Variants in SCYL3 observed in about 807,000 individuals in gnomAD.
SCYL3 encodes SCY1 like pseudokinase 3, also known as protein-associating with the carboxyl-terminal domain of ezrin.
SCYL3 carries 35 observed loss-of-function variants against 73.8 expected under a neutral mutation model. The ratio of observed to expected loss-of-function variants is 0.47; its 90% CI spans 0.36 to 0.63. SCYL3 has a LOEUF of 0.63. SCYL3 is among the 20% of genes least tolerant of loss of function. The pLI is 0.00. For synonymous variants in SCYL3, 277 were observed against 295.2 expected, an observed-to-expected ratio of 0.94 and a Z score of 0.63; for missense variants, 712 against 798.9, an observed-to-expected ratio of 0.89 and a Z score of 1.31.
chr1:169,861,675 A>T (rs1659661523), intron 10 of SCYL3, among the ~76,000 whole-genome samples: 1 of 152,248 alleles, frequency 6.6e-6, no homozygotes, highest in Non-Finnish European at 1.5e-5. Context: ...CCCACTTATG[A>T]GCTCCTTGAA....
intron 2 of SCYL3, among the ~76,000 whole-genome samples, chr1:169,880,989 T>C (rs1487422961): frequency 2.6e-5 from 4 of 152,218 alleles, no homozygotes; most frequent in African/African-American, 7.2e-5. Context: ...CTCGAATTCC[T>C]GACCTCGGGC....
intron 5 of SCYL3, 31 bp downstream of exon 5, chr1:169,873,665 C>A: frequency 6.7e-7 from 1 of 1,486,486 alleles, no homozygotes; most frequent in Non-Finnish European, 9.3e-7. Flanking sequence ...CACAAAGGCA[C>A]CTTCATTATA....
In SCYL3 at chr1:169,850,463, C is replaced by T. The variant is rs556117982; in HGVS notation, c.*3250G>A. 84 of 693,578 alleles carry T rather than the reference C, an allele frequency of 1.2e-4. No individual in the cohort carries two copies. The highest frequency in any genetic ancestry group is 4.0e-4 in the African/African-American group (22 of 55,222). 43.0% of individuals were successfully genotyped at this position (693,578 alleles called of 1,614,324 possible). A position where few individuals can be genotyped will look rare whatever the true frequency, so the allele number is the denominator to read the frequency against. ...CTTAAACTTTTCACAGTGCTGAGCA[C>T]AGTGCTGACGACTTTTACTAAGCAA... On this transcript the variant is annotated 3_prime_UTR_variant, in exon 13 of 13. Coordinates refer to ENST00000367771, the MANE Select transcript of SCYL3 (RefSeq NM_020423.7).
At chr1:169,874,615 C>T (rs1421080650) in intron 4 of SCYL3, among the ~76,000 whole-genome samples, 3 of 152,062 alleles carry the variant, frequency 2.0e-5, no homozygotes, top group Non-Finnish European at 4.4e-5. Flanking sequence ...AAGATGTAAC[C>T]AGACTATAGC....
rs536545637 is a variant in SCYL3, at chr1:169,851,555, G to C, written c.*2158C>G. 2.2e-6 allele frequency: 1 copy of C among 447,724 alleles called. No homozygotes were observed. Among genetic ancestry groups the C allele is most frequent in the East Asian group, 4.0e-5 (1 of 25,258 alleles). The allele number at this position is 447,724 out of a possible 1,614,324, so 27.7% of individuals were successfully genotyped here. A position where few individuals can be genotyped will look rare whatever the true frequency, so the allele number is the denominator to read the frequency against. ...ACATGTGTATACACTGCTGTTGCCA[G>C]TTTCTTAGCTTATACAGTAAAGGTT... On this transcript the variant is annotated 3_prime_UTR_variant, in exon 13 of 13. Coordinates refer to ENST00000367771, the MANE Select transcript of SCYL3 (RefSeq NM_020423.7).
At position 169,878,775 on chromosome 1, in the gene SCYL3, A is replaced by G. The variant is rs1477833441; in HGVS notation, c.210T>C (p.Ser70=). The change falls in exon 3 of 13, where the codon TCT becomes TCC. Residue 70 remains serine (S), a synonymous_variant. Coordinates refer to ENST00000367771, the MANE Select transcript of SCYL3 (RefSeq NM_020423.7). The part of the protein sequence containing the change: ...LRHPCLLRFL[S]CTVEADGIHL... ...GAATGCCATCCGCTTCCACAGTACA[A>G]GATAAAAATCTTAGCAAGCAAGGGT... 1 of 1,613,788 alleles carries G rather than the reference A, an allele frequency of 6.2e-7. No individual in the cohort carries two copies. Among genetic ancestry groups the G allele is most frequent in the South Asian group, 1.1e-5 (1 of 90,968 alleles).
chr1:169,888,548 A>G (rs1339563960), intron 2 of SCYL3, 128 bp downstream of exon 2: 6 of 706,208 alleles, frequency 8.5e-6, no homozygotes, highest in Non-Finnish European at 1.4e-5. Flanking sequence ...CAATGTTTTG[A>G]AAGGACATAA....
chr1:169,890,699 A>G (rs1415549492), intron 1 of SCYL3, among the ~76,000 whole-genome samples: 1 of 152,270 alleles, frequency 6.6e-6, no homozygotes, highest in Non-Finnish European at 1.5e-5. Context: ...GTTGCTGAGA[A>G]TAAGAACTAA....
At chr1:169,873,814 A>G in intron 4 of SCYL3, 62 bp from the exon 5 acceptor site, 1 of 1,166,554 alleles carries the variant, frequency 8.6e-7, no homozygotes. Context: ...CTAATCTCTT[A>G]CATCAGGTTA....
At position 169,888,757 on chromosome 1, in the gene SCYL3, G is replaced by T; in HGVS notation, c.84C>A (p.Pro28=). ...CAAATTTGCCATCTTGCAGTACAGC[G>T]GGATAAACAGCAAGTCCAGAGGGTA... ...FTLPSGLAVY[P]AVLQDGKFAS... is the part of the protein sequence containing the mutation. Residue 28 remains proline (P), a synonymous_variant, in exon 2 of 13, where the codon CCC becomes CCA. Transcript: ENST00000367771. 6.2e-7 allele frequency: 1 copy of T among 1,613,868 alleles called. No individual in the cohort carries two copies. The highest frequency in any genetic ancestry group is 1.1e-5 in the South Asian group (1 of 91,064).
intron 8 of SCYL3, among the ~76,000 whole-genome samples, chr1:169,865,049 C>G (rs1183325336): frequency 6.6e-6 from 1 of 151,618 alleles, no homozygotes; most frequent in African/African-American, 2.4e-5. Context: ...GGAAATGTTT[C>G]CACCAAATTA....
rs58984684 is a variant in SCYL3 at position 169,851,045 on chromosome 1, C to CTTTTTTTTTTTTTTTT, written c.*2652_*2667dup. ...CCCAAGCCAGGGTAAGCTCAGGGCC[C>CTTTTTTTTTTTTTTTT]TTTTTTTTTTTTTTTTTTTTTTTTT... On this transcript the variant is annotated 3_prime_UTR_variant, in exon 13 of 13. Coordinates refer to ENST00000367771, the MANE Select transcript of SCYL3 (RefSeq NM_020423.7). The CTTTTTTTTTTTTTTTT allele has an allele frequency of 5.8e-5, 1 of 17,312 alleles. No individual in the cohort carries two copies. Among genetic ancestry groups the CTTTTTTTTTTTTTTTT allele is most frequent in the Non-Finnish European group, 1.0e-4 (1 of 9,630 alleles). 1.1% of individuals were successfully genotyped at this position (17,312 alleles called of 1,614,324 possible). A position where few individuals can be genotyped will look rare whatever the true frequency, so the allele number is the denominator to read the frequency against.
At position 169,877,519 on chromosome 1, in the gene SCYL3, A is replaced by G. The variant is rs1008155423; in HGVS notation, c.351+1115T>C. 6.6e-5 allele frequency among the ~76,000 whole-genome samples: 10 copies of G among 152,294 alleles called. No homozygotes were observed. The East Asian group carries it at 1.9e-3, about 29-fold the overall frequency. On this transcript the variant is annotated intron_variant, in intron 3 of 12. Coordinates refer to ENST00000367771, the MANE Select transcript of SCYL3 (RefSeq NM_020423.7). ...ATGTGTAAATATTTTTATAGAGAATACTCCAAAAGATAAATATTTTTTAAA... is the reference window on the plus strand; with the variant it reads ...ATGTGTAAATATTTTTATAGAGAATGCTCCAAAAGATAAATATTTTTTAAA...
chr1:169,893,933 C>T (rs576957229), upstream of SCYL3: 3 of 152,494 alleles, frequency 2.0e-5, no homozygotes, highest in Admixed American at 2.0e-4. Context: ...TCTCCTACAC[C>T]ATAGAGACGG....
intron 3 of SCYL3, among the ~76,000 whole-genome samples, chr1:169,877,978 T>C (rs1272521901): frequency 1.3e-5 from 2 of 152,210 alleles, no homozygotes; most frequent in African/African-American, 4.8e-5. Context: ...TTTTTTAATC[T>C]TGGTGGACTG....
At chr1:169,876,127 T>G (rs370867157) in intron 3 of SCYL3, 36 bp from the exon 4 acceptor site, 612 of 1,216,536 alleles carry the variant, frequency 5.0e-4, no homozygotes, top group Non-Finnish European at 6.5e-4. Flanking sequence ...AGAGTGCCAC[T>G]CCAGGATCTG....
intron 11 of SCYL3, among the ~76,000 whole-genome samples, chr1:169,856,783 A>G (rs1659209652): frequency 6.6e-6 from 1 of 151,982 alleles, no homozygotes; most frequent in Non-Finnish European, 1.5e-5. Context: ...CCTCTACATC[A>G]CCCTTTTCAA....
intron 10 of SCYL3, among the ~76,000 whole-genome samples, chr1:169,861,320 T>C (rs1475665732): frequency 6.6e-6 from 1 of 152,054 alleles, no homozygotes; most frequent in Non-Finnish European, 1.5e-5. Context: ...CTTTTGCCCT[T>C]TTTTTTTCTT....
chr1:169,859,032 A>G lies in SCYL3; in HGVS notation c.1312+9T>C. On this transcript the variant is annotated intron_variant, in intron 11 of 12. Transcript: ENST00000367771. ...CACACAAAAAGTTAGACCTTTTAAT[A>G]ATTCTTACCTTCTAGAGAAAGGTCA... is the stretch of plus-strand genomic sequence containing the variant. 1.9e-6 allele frequency: 3 copies of G among 1,609,992 alleles called. No homozygotes were observed. The highest frequency in any genetic ancestry group is 2.5e-6 in the Non-Finnish European group (3 of 1,178,842).
Sources: gnomAD v4.1 joint callset for allele counts (sites outside exome capture counted in the v4.1 genomes callset) on GRCh38, gnomAD v4.1.1 for gene constraint, MANE v1.5 for transcripts, NCBI Gene and HGNC (gene_info 2026-07-23, HGNC 2026-07-21) for gene names.